The following GPATCH2 variants were observed in gnomAD, a reference collection of about 807,000 sequenced individuals.
The protein encoded by GPATCH2 is G patch domain-containing protein 2.
A neutral mutation model predicts 58.0 loss-of-function variants in GPATCH2; 51 were observed. That is an observed-to-expected ratio of 0.88 (90% CI 0.70 to 1.11). The LOEUF is 1.11. Among genes scored for constraint, GPATCH2 ranks in the 50% most tolerant of loss-of-function variants. GPATCH2 has a pLI of 0.00. For synonymous variants in GPATCH2, 222 were observed against 218.5 expected (o/e 1.02, Z -0.14); for missense variants, 625 against 652.2 (o/e 0.96, Z 0.45).
chr1:217,517,233 C>G (rs997193384), intron 5 of GPATCH2, among the ~76,000 whole-genome samples: 5 of 152,108 alleles, frequency 3.3e-5, no homozygotes, highest in African/African-American at 1.2e-4. Context: ...ACAGAGGTGA[C>G]TATCCTTTAT....
In GPATCH2 at chr1:217,539,895, A is replaced by G. The variant is rs377641968; in HGVS notation, c.1099-25006T>C. Among the ~76,000 whole-genome samples the G allele has an allele frequency of 2.5e-4, 22 of 86,838 alleles. No homozygotes were observed. In the East Asian group the frequency reaches 0.024, roughly 96 times the overall value. The allele number at this position is 86,838 out of a possible 152,430, so 57.0% of individuals were successfully genotyped here. A position where few individuals can be genotyped will look rare whatever the true frequency, so the allele number is the denominator to read the frequency against. ...ACAATTTATTTATATATGTATTTATAAAAAAACTTAATGATATACATCTAT... is the reference window on the plus strand; with the variant it reads ...ACAATTTATTTATATATGTATTTATGAAAAAACTTAATGATATACATCTAT... On this transcript the variant is annotated intron_variant, in intron 5 of 9. Transcript: ENST00000366935.
intron 9 of GPATCH2, among the ~76,000 whole-genome samples, chr1:217,433,382 ATATTTATTTATTTATT>A (rs71967714): frequency 0.013 from 991 of 78,554 alleles, 30 homozygotes; most frequent in African/African-American, 0.047. Context: ...ATATATATAT[ATATTTATTTATTTATT>A]TATTTATTTA....
chr1:217,514,844 A>G lies in GPATCH2; in HGVS notation c.1144T>C (p.Ser382Pro), dbSNP rs1389218119. The G allele has an allele frequency of 3.3e-6, 5 of 1,519,540 alleles. No individual in the cohort carries two copies. The highest frequency in any genetic ancestry group is 9.1e-7 in the Non-Finnish European group (1 of 1,094,196). 94.1% of individuals were successfully genotyped at this position (1,519,540 alleles called of 1,614,324 possible). A position where few individuals can be genotyped will look rare whatever the true frequency, so the allele number is the denominator to read the frequency against. The change falls in exon 6 of 10, where the codon TCC becomes CCC. Residue 382 changes from serine to proline, a missense_variant. Physicochemically the swap from Ser to Pro is moderately conservative, Grantham distance 74. Transcript: ENST00000366935. ...PVGNKRMVHF[S>P]PDSHHHDHWF... ...CACTCATGGTGATGAGAATCCGGGG[A>G]AAAATGAACCATTCTCTTGTTACCC...
At chr1:217,514,345 A>T (rs760508902) in intron 6 of GPATCH2, among the ~76,000 whole-genome samples, 5 of 148,360 alleles carry the variant, frequency 3.4e-5, no homozygotes, top group African/African-American at 1.3e-4. Flanking sequence ...TTTTTAGTAG[A>T]GATGGGTTTC....
chr1:217,574,067 G>T (rs1666695440), intron 5 of GPATCH2, among the ~76,000 whole-genome samples: 1 of 152,078 alleles, frequency 6.6e-6, no homozygotes, highest in Non-Finnish European at 1.5e-5. Context: ...ATACCAAATA[G>T]GAACCACTGT....
chr1:217,443,621 A>G (rs773537685), intron 9 of GPATCH2, among the ~76,000 whole-genome samples: 8 of 151,558 alleles, frequency 5.3e-5, no homozygotes, highest in Non-Finnish European at 1.0e-4. Flanking sequence ...TATTCTCTCT[A>G]CTCTTCCTTC....
In GPATCH2 at chr1:217,427,084, T is replaced by G. The variant is rs536644267; in HGVS notation, c.*4061A>C. The G allele has an allele frequency of 6.6e-6, 1 of 152,236 alleles. No homozygotes were observed. Among genetic ancestry groups the G allele is most frequent in the Admixed American group, 6.5e-5 (1 of 15,302 alleles). The allele number at this position is 152,236 out of a possible 1,614,324, so 9.4% of individuals were successfully genotyped here. A position where few individuals can be genotyped will look rare whatever the true frequency, so the allele number is the denominator to read the frequency against. ...ACTTCAATGCATATTACAAAACACT[T>G]AAAATGTCCAAGCAGCTTTATGAGA... On this transcript the variant is annotated 3_prime_UTR_variant, in exon 10 of 10. Coordinates refer to ENST00000366935, the MANE Select transcript of GPATCH2 (RefSeq NM_018040.5).
At chr1:217,447,809 G>A (rs1427132968) in intron 9 of GPATCH2, among the ~76,000 whole-genome samples, 1 of 152,074 alleles carries the variant, frequency 6.6e-6, no homozygotes, top group East Asian at 1.9e-4. Flanking sequence ...AATAGAGAAC[G>A]TGGCTGGGTG....
chr1:217,517,052 A>G (rs1437250097), intron 5 of GPATCH2, among the ~76,000 whole-genome samples: 1 of 152,204 alleles, frequency 6.6e-6, no homozygotes, highest in Non-Finnish European at 1.5e-5. Flanking sequence ...GTAAGCTTTC[A>G]ATCTAGTCAG....
At chr1:217,476,247 T>C (rs1019476718) in intron 8 of GPATCH2, among the ~76,000 whole-genome samples, 2 of 151,824 alleles carry the variant, frequency 1.3e-5, no homozygotes, top group Non-Finnish European at 2.9e-5. Flanking sequence ...TGTGTGTGTG[T>C]GTGTGTGTGT....
chr1:217,567,944 G>A (rs570699585), intron 5 of GPATCH2, among the ~76,000 whole-genome samples: 14 of 152,186 alleles, frequency 9.2e-5, no homozygotes, highest in South Asian at 6.2e-4. Flanking sequence ...GTGAAACCCC[G>A]TCTCCACTAA....
chr1:217,512,034 C>CATT (rs898179560), intron 6 of GPATCH2, among the ~76,000 whole-genome samples: 1 of 152,090 alleles, frequency 6.6e-6, no homozygotes, highest in African/African-American at 2.4e-5. Context: ...ACCTATAAAA[C>CATT]ATTATCAAGG....
At chr1:217,532,345 C>T (rs1033721616) in intron 5 of GPATCH2, among the ~76,000 whole-genome samples, 7 of 152,226 alleles carry the variant, frequency 4.6e-5, no homozygotes, top group South Asian at 2.1e-4. Flanking sequence ...AAATGAGGCT[C>T]GGAGAGATTA....
At chr1:217,495,711 T>C (rs960237660) in intron 7 of GPATCH2, among the ~76,000 whole-genome samples, 9 of 152,218 alleles carry the variant, frequency 5.9e-5, no homozygotes, top group Admixed American at 4.6e-4. Flanking sequence ...GTATAATTAC[T>C]GCTTACCTGC....
intron 2 of GPATCH2, among the ~76,000 whole-genome samples, chr1:217,616,516 C>T (rs1668892890): frequency 6.6e-6 from 1 of 152,076 alleles, no homozygotes; most frequent in Non-Finnish European, 1.5e-5. Flanking sequence ...CCTTAATGAT[C>T]CTTGTCCTAC....
intron 5 of GPATCH2, among the ~76,000 whole-genome samples, chr1:217,541,998 G>C (rs929255741): frequency 3.3e-5 from 5 of 152,160 alleles, no homozygotes; most frequent in African/African-American, 1.2e-4. Flanking sequence ...TTATTAGCAT[G>C]TCCTTTGGTC....
At chr1:217,528,391 A>T (rs1246712954) in intron 5 of GPATCH2, among the ~76,000 whole-genome samples, 1 of 152,210 alleles carries the variant, frequency 6.6e-6, no homozygotes, top group Non-Finnish European at 1.5e-5. Context: ...TAGATCCTGT[A>T]TCAAGAGCTT....
intron 3 of GPATCH2, among the ~76,000 whole-genome samples, chr1:217,612,782 C>G (rs1392906321): frequency 6.6e-6 from 1 of 152,138 alleles, no homozygotes; most frequent in Admixed American, 6.5e-5. Flanking sequence ...GCTCTGAAAT[C>G]AGACAGACCA....
chr1:217,595,959 C>T (rs1667806451), intron 5 of GPATCH2, among the ~76,000 whole-genome samples: 1 of 151,904 alleles, frequency 6.6e-6, no homozygotes, highest in African/African-American at 2.4e-5. Context: ...TGACAGGTAA[C>T]AGAATAATTT....
Sources: allele counts gnomAD v4.1 joint callset (sites outside exome capture counted in the v4.1 genomes callset), GRCh38; gene constraint gnomAD v4.1.1; transcripts MANE v1.5; gene names NCBI Gene and HGNC (gene_info 2026-07-23, HGNC 2026-07-21).